GALNT17: variants seen among roughly 807,000 people sequenced by gnomAD.
GALNT17 encodes the protein polypeptide N-acetylgalactosaminyltransferase 17.
GALNT17 carries 29 observed loss-of-function variants against 63.7 expected under a neutral mutation model. That is an observed-to-expected ratio of 0.46 (90% CI 0.34 to 0.62). The LOEUF (loss-of-function observed/expected upper bound fraction) is 0.62. GALNT17 is among the 20% of genes least tolerant of loss of function. GALNT17 has a pLI of 0.01. For missense variants in GALNT17, 603 were observed against 799.6 expected (o/e 0.75, Z 2.97); for synonymous variants, 305 against 318.3 (o/e 0.96, Z 0.45).
At chr7:71,516,396 T>C (rs1788445454) in intron 5 of GALNT17, among the ~76,000 whole-genome samples, 1 of 152,160 alleles carries the variant, frequency 6.6e-6, no homozygotes, top group Non-Finnish European at 1.5e-5. Flanking sequence ...GGAGGAGTGA[T>C]GGAGCAGCCC....
chr7:71,625,365 C>T (rs1048705806), intron 6 of GALNT17, among the ~76,000 whole-genome samples: 4 of 152,148 alleles, frequency 2.6e-5, no homozygotes, highest in African/African-American at 9.7e-5. Flanking sequence ...AGGCTGGTCT[C>T]AAACTCCTGA....
intron 6 of GALNT17, among the ~76,000 whole-genome samples, chr7:71,600,948 G>A (rs1039778272): frequency 6.6e-6 from 1 of 151,872 alleles, no homozygotes; most frequent in East Asian, 1.9e-4. Context: ...AAAGTCCATT[G>A]TATCATTCTA....
chr7:71,488,889 C>CTTTTTT (rs369124996), intron 5 of GALNT17, among the ~76,000 whole-genome samples: 15 of 54,716 alleles, frequency 2.7e-4, no homozygotes, highest in Non-Finnish European at 3.7e-4. Flanking sequence ...GCCAGGTTTC[C>CTTTTTT]TTTTTTTTTT....
intron 1 of GALNT17, among the ~76,000 whole-genome samples, chr7:71,259,649 T>C (rs1416932800): frequency 6.8e-6 from 1 of 148,040 alleles, no homozygotes; most frequent in Admixed American, 6.6e-5. Flanking sequence ...TTTTTTTGTT[T>C]TTTTTTTTTT....
chr7:71,686,041 G>A lies in GALNT17; in HGVS notation c.1500+8735G>A, dbSNP rs533773227. Among the ~76,000 whole-genome samples, 27 of 129,630 alleles carry A rather than the reference G, an allele frequency of 2.1e-4. 1 individual carries two copies. The East Asian group carries it at 5.4e-3, about 26-fold the overall frequency. 85.0% of individuals were successfully genotyped at this position (129,630 alleles called of 152,430 possible). ...GCGATCTTGGCTCACTGCAACCTCCGCCTCCTGCGTTCAAGCGATTCTCCT... is the reference window on the plus strand; with the variant it reads ...GCGATCTTGGCTCACTGCAACCTCCACCTCCTGCGTTCAAGCGATTCTCCT... On this transcript the variant is annotated intron_variant, in intron 9 of 10. Coordinates refer to ENST00000333538, the MANE Select transcript of GALNT17 (RefSeq NM_022479.3).
intron 9 of GALNT17, among the ~76,000 whole-genome samples, chr7:71,684,802 A>G (rs1791327913): frequency 6.6e-6 from 1 of 152,012 alleles, no homozygotes; most frequent in African/African-American, 2.4e-5. Flanking sequence ...AACTGGGACT[A>G]CTGGTTATGA....
intron 2 of GALNT17, among the ~76,000 whole-genome samples, chr7:71,367,854 A>G (rs35569856): frequency 0.023 from 3,536 of 152,354 alleles, 65 homozygotes; most frequent in Non-Finnish European, 0.039. Flanking sequence ...TTATGTGGTC[A>G]AGGAAGTACC....
At chr7:71,623,346 T>C (rs113097842) in intron 6 of GALNT17, among the ~76,000 whole-genome samples, 3,581 of 151,990 alleles carry the variant, frequency 0.024, 150 homozygotes, top group African/African-American at 0.081. Context: ...GTGCCTGGCT[T>C]GGAGGAAGCC....
At chr7:71,378,517 G>C (rs527881966) in intron 2 of GALNT17, among the ~76,000 whole-genome samples, 2 of 152,214 alleles carry the variant, frequency 1.3e-5, no homozygotes, top group Non-Finnish European at 2.9e-5. Flanking sequence ...GGTTGTGTTC[G>C]GGATGGTATC....
At chr7:71,384,074 A>G (rs537600476) in intron 2 of GALNT17, among the ~76,000 whole-genome samples, 14 of 151,798 alleles carry the variant, frequency 9.2e-5, no homozygotes, top group Non-Finnish European at 1.3e-4. Flanking sequence ...AAGGGTTTCA[A>G]TTTCTCCGCA....
At chr7:71,584,481 A>C (rs1306937766) in intron 6 of GALNT17, among the ~76,000 whole-genome samples, 1 of 152,168 alleles carries the variant, frequency 6.6e-6, no homozygotes, top group East Asian at 1.9e-4. Context: ...AAATCCCCAG[A>C]CATCGTCTCA....
At chr7:71,691,165 C>T (rs142821303) in intron 9 of GALNT17, among the ~76,000 whole-genome samples, 4 of 152,058 alleles carry the variant, frequency 2.6e-5, no homozygotes, top group Non-Finnish European at 5.9e-5. Flanking sequence ...TTGCCACAGC[C>T]GCCCCAACAT....
chr7:71,139,578 G>A (rs888784129), intron 1 of GALNT17, among the ~76,000 whole-genome samples: 1 of 152,078 alleles, frequency 6.6e-6, no homozygotes. Flanking sequence ...AAACCAAGAC[G>A]CTCCTATATA....
intron 1 of GALNT17, among the ~76,000 whole-genome samples, chr7:71,292,662 A>AGT (rs1274230622): frequency 3.4e-5 from 4 of 117,712 alleles, no homozygotes; most frequent in African/African-American, 1.6e-4. Context: ...ACAGAGAGAG[A>AGT]GAGAGAGTGT....
chr7:71,359,698 C>G (rs896004513), intron 2 of GALNT17, among the ~76,000 whole-genome samples: 2 of 152,044 alleles, frequency 1.3e-5, no homozygotes, highest in African/African-American at 4.8e-5. Context: ...GTTCTTCTGC[C>G]TCAGCCTCTT....
intron 1 of GALNT17, among the ~76,000 whole-genome samples, chr7:71,284,871 G>A (rs552805930): frequency 1.3e-5 from 2 of 152,040 alleles, no homozygotes; most frequent in South Asian, 4.1e-4. Context: ...TTTTGTGAAA[G>A]GAAGTTCTGA....
chr7:71,305,707 C>T (rs954662006), intron 1 of GALNT17, among the ~76,000 whole-genome samples: 1 of 152,052 alleles, frequency 6.6e-6, no homozygotes, highest in South Asian at 2.1e-4. Flanking sequence ...ACTAGGTTGG[C>T]GACCTGATGT....
intron 1 of GALNT17, among the ~76,000 whole-genome samples, chr7:71,175,790 A>G (rs1347173115): frequency 6.6e-6 from 1 of 152,134 alleles, no homozygotes; most frequent in Non-Finnish European, 1.5e-5. Flanking sequence ...AGTCCCAGCT[A>G]CTCAGAAGGC....
At chr7:71,354,092 G>C (rs891026784) in intron 2 of GALNT17, among the ~76,000 whole-genome samples, 3 of 152,112 alleles carry the variant, frequency 2.0e-5, no homozygotes, top group African/African-American at 7.2e-5. Flanking sequence ...TGGGGGAATG[G>C]TGTTAAACCG....
Sources: allele counts gnomAD v4.1 joint callset (sites outside exome capture counted in the v4.1 genomes callset), GRCh38; gene constraint gnomAD v4.1.1; transcripts MANE v1.5; gene names NCBI Gene and HGNC (gene_info 2026-07-23, HGNC 2026-07-21).